The following PAK5 variants were observed in gnomAD, a reference collection of about 807,000 sequenced individuals.
PAK5 encodes the protein p21 (RAC1) activated kinase 5.
A neutral mutation model predicts 65.9 loss-of-function variants in PAK5; 16 were observed. The ratio of observed to expected loss-of-function variants is 0.24; its 90% CI spans 0.16 to 0.37. The LOEUF is 0.37. PAK5 is among the 10% of genes least tolerant of loss of function. The pLI, the probability that PAK5 is intolerant of heterozygous loss-of-function variation, is 1.00. For missense variants in PAK5, 785 were observed against 903.9 expected (o/e 0.87, Z 1.69); for synonymous variants, 371 against 354.9 (o/e 1.05, Z -0.51).
rs754244326 is a variant in PAK5, at chr20:9,557,609, C to T, written c.1742G>A (p.Arg581Gln). 25 of 1,606,612 alleles carry T rather than the reference C, an allele frequency of 1.6e-5. No homozygotes were observed. The highest frequency in any genetic ancestry group is 2.7e-5 in the African/African-American group (2 of 74,632). ...SDSILLTSDG[R>Q]IKLSDFGFCA... ...ACGGGCCAAACATGAACATCTTACC[C>T]GGCCATCGCTTGTCAGGAGGATGGA... The change falls in exon 7 of 10, where the codon CGG (arginine) becomes CAG (glutamine). Residue 581 changes from arginine to glutamine, a missense_variant and splice_region_variant. Physicochemically the swap from Arg to Gln is conservative, Grantham distance 43 (BLOSUM62 1). Around this residue, in one of 4 missense-constraint regions of PAK5, gnomAD observed 182 missense variants for 273.0 expected, o/e 0.67. Coordinates refer to ENST00000353224, the MANE Select transcript of PAK5 (RefSeq NM_177990.4).
Position 9,616,633 on chromosome 20 carries a change from C to A in PAK5, c.204+27492G>T, listed in dbSNP as rs549912828. Among the ~76,000 whole-genome samples the A allele has an allele frequency of 5.4e-4, 83 of 152,324 alleles. No homozygotes were observed. In the South Asian group the frequency reaches 8.9e-3, roughly 16 times the overall value. ...TCCCAGGGGATGCTGCTGCTGCTAGCCTGTGGCTTGCACTGTGGGATGTGG... is the reference window on the plus strand; with the variant it reads ...TCCCAGGGGATGCTGCTGCTGCTAGACTGTGGCTTGCACTGTGGGATGTGG... On this transcript the variant is annotated intron_variant, in intron 3 of 9. Transcript: ENST00000353224.
chr20:9,673,545 G>T (rs1429669418), intron 2 of PAK5, among the ~76,000 whole-genome samples: 1 of 152,072 alleles, frequency 6.6e-6, no homozygotes, highest in Non-Finnish European at 1.5e-5. Context: ...TTCCACACTG[G>T]ATAGTACATC....
In PAK5 at chr20:9,832,563, G is replaced by A. The variant is rs975891951; in HGVS notation, c.-162+6199C>T. Among the ~76,000 whole-genome samples the A allele has an allele frequency of 3.9e-5, 6 of 152,156 alleles. No individual in the cohort carries two copies. The East Asian group carries it at 7.7e-4, about 20-fold the overall frequency. ...GCTGGTGTTATAGGCATGAGCCACC[G>A]TGCCTGGCAGACATTTTGATAAGTA... On this transcript the variant is annotated intron_variant, in intron 1 of 9. Transcript: ENST00000353224.
intron 3 of PAK5, among the ~76,000 whole-genome samples, chr20:9,610,512 T>C (rs914115572): frequency 1.3e-5 from 2 of 152,182 alleles, no homozygotes; most frequent in Non-Finnish European, 2.9e-5. Context: ...AGATCATATA[T>C]ATTAATATAT....
In PAK5 at chr20:9,580,721, A is replaced by C; in HGVS notation, c.414T>G (p.Thr138=). ...TGTACTTTTCGGTCGTGTAGTCAGC[A>C]GTAGTATCGGATTCGCTGGAATACT... The part of the protein sequence containing the change: ...FSQYSSESDT[T]ADYTTEKYRE... Residue 138 remains threonine (T), a synonymous_variant, in exon 4 of 10, where the codon ACT becomes ACG. Coordinates refer to ENST00000353224, the MANE Select transcript of PAK5 (RefSeq NM_177990.4). The C allele has an allele frequency of 1.2e-6, 2 of 1,613,954 alleles. No homozygotes were observed. The highest frequency in any genetic ancestry group is 1.7e-6 in the Non-Finnish European group (2 of 1,179,962).
intron 2 of PAK5, among the ~76,000 whole-genome samples, chr20:9,697,477 G>C (rs563384232): frequency 6.6e-6 from 1 of 151,912 alleles, no homozygotes; most frequent in South Asian, 2.1e-4. Context: ...AAAGACTTTG[G>C]CCCTCTCAGA....
chr20:9,613,528 T>A (rs2046602575), intron 3 of PAK5, among the ~76,000 whole-genome samples: 1 of 152,150 alleles, frequency 6.6e-6, no homozygotes. Context: ...TTAACCAGGT[T>A]CTCACAGTGA....
rs1487842860 is a variant in PAK5, at chr20:9,580,243, GC to G, written c.891del (p.Met297IlefsTer105). On this transcript the variant is annotated frameshift_variant, in exon 4 of 10. Transcript: ENST00000353224. LOFTEE classifies it high-confidence loss of function. ...RSGSGLQEPM[M>X]PFGASAFKTH... ...GTTTTAAATGCACTTGCTCCAAATG[GC>G]ATCATCGGTTCCTGGAGTCCCGAGC... 1 of 1,614,058 alleles carries G rather than the reference GC, an allele frequency of 6.2e-7. No homozygotes were observed. The highest frequency in any genetic ancestry group is 1.7e-5 in the Admixed American group (1 of 60,020).
At chr20:9,631,158 G>A (rs1457677185) in intron 3 of PAK5, among the ~76,000 whole-genome samples, 1 of 152,178 alleles carries the variant, frequency 6.6e-6, no homozygotes, top group African/African-American at 2.4e-5. Flanking sequence ...TGGGAACGAG[G>A]TAGACAGACC....
At chr20:9,822,738 A>T (rs530483679) in intron 1 of PAK5, among the ~76,000 whole-genome samples, 1 of 152,328 alleles carries the variant, frequency 6.6e-6, no homozygotes, top group East Asian at 1.9e-4. Context: ...ATGCCTACTG[A>T]CTTCCAACAG....
At chr20:9,803,005 ACTAG>A (rs2049190517) in intron 1 of PAK5, among the ~76,000 whole-genome samples, 1 of 148,568 alleles carries the variant, frequency 6.7e-6, no homozygotes, top group African/African-American at 2.5e-5. Context: ...TGCTTCAAAT[ACTAG>A]CTAAGTACAG....
chr20:9,789,772 A>G (rs2049030627), intron 1 of PAK5, among the ~76,000 whole-genome samples: 1 of 152,158 alleles, frequency 6.6e-6, no homozygotes, highest in Non-Finnish European at 1.5e-5. Flanking sequence ...AAGCTGAAAT[A>G]AAGCATCCCT....
At chr20:9,550,731 G>GGTGTGGT (rs1555894638) in intron 7 of PAK5, among the ~76,000 whole-genome samples, 2 of 148,460 alleles carry the variant, frequency 1.3e-5, no homozygotes, top group African/African-American at 5.0e-5. Context: ...CCATAATTGT[G>GGTGTGGT]GTGTGTGTGT....
At chr20:9,777,599 G>T (rs1037053172) in intron 1 of PAK5, among the ~76,000 whole-genome samples, 1 of 152,138 alleles carries the variant, frequency 6.6e-6, no homozygotes, top group African/African-American at 2.4e-5. Flanking sequence ...AGCATAAGAA[G>T]AGACTTATAC....
chr20:9,733,816 G>T (rs1410951077), intron 1 of PAK5, among the ~76,000 whole-genome samples: 1 of 152,108 alleles, frequency 6.6e-6, no homozygotes, highest in Non-Finnish European at 1.5e-5. Flanking sequence ...TGAAAGACTG[G>T]CAAGAATTCA....
chr20:9,745,015 C>A (rs1432431907), intron 1 of PAK5, among the ~76,000 whole-genome samples: 1 of 152,062 alleles, frequency 6.6e-6, no homozygotes, highest in Non-Finnish European at 1.5e-5. Flanking sequence ...AGTAGACAGA[C>A]ACTTCACTCT....
rs535124299 is a variant in PAK5 at position 9,619,681 on chromosome 20, C to T, written c.204+24444G>A. On this transcript the variant is annotated intron_variant, in intron 3 of 9. Transcript: ENST00000353224. ...CTATTGAGGTAAAGTACTGGAGTCT[C>T]TCCGTGCTGCCTTCACTTACCTCTT... Among the ~76,000 whole-genome samples the T allele has an allele frequency of 1.2e-4, 19 of 152,344 alleles. No individual in the cohort carries two copies. In the South Asian group the frequency reaches 3.5e-3, roughly 28 times the overall value.
At chr20:9,593,233 G>A (rs926463002) in intron 3 of PAK5, among the ~76,000 whole-genome samples, 1 of 152,050 alleles carries the variant, frequency 6.6e-6, no homozygotes, top group African/African-American at 2.4e-5. Flanking sequence ...GAGCCCAGGA[G>A]TTGGAGTTTG....
intron 1 of PAK5, among the ~76,000 whole-genome samples, chr20:9,815,745 T>G (rs1217618891): frequency 6.6e-6 from 1 of 152,180 alleles, no homozygotes; most frequent in African/African-American, 2.4e-5. Context: ...TTCTGCTTAT[T>G]AAAATGGTAA....
Sources: gnomAD v4.1 joint callset for allele counts (sites outside exome capture counted in the v4.1 genomes callset) on GRCh38, gnomAD v4.1.1 for gene constraint, gnomAD v4.1.1 regional missense constraint, MANE v1.5 for transcripts, NCBI Gene and HGNC (gene_info 2026-07-23, HGNC 2026-07-21) for gene names.